SLC44A5: variants seen among roughly 807,000 people sequenced by gnomAD.
SLC44A5 encodes the protein choline transporter-like protein 5.
SLC44A5 carries 57 observed loss-of-function variants against 101.8 expected under a neutral mutation model. The ratio of observed to expected loss-of-function variants is 0.56; its 90% CI spans 0.45 to 0.70. The LOEUF (loss-of-function observed/expected upper bound fraction) is 0.70, where lower values mean the gene tolerates loss of function less well. SLC44A5 is among the 30% of genes least tolerant of loss of function. The pLI is 0.00. For synonymous variants in SLC44A5, 281 were observed against 290.9 expected, an observed-to-expected ratio of 0.97 and a Z score of 0.35; for missense variants, 737 against 853.1, an observed-to-expected ratio of 0.86 and a Z score of 1.70.
At chr1:75,222,614 C>A (rs555594098) in intron 13 of SLC44A5, among the ~76,000 whole-genome samples, 154 bp from the exon 14 acceptor site, 69 of 152,256 alleles carry the variant, frequency 4.5e-4, no homozygotes, top group Non-Finnish European at 9.1e-4. Flanking sequence ...TGCCAATCTT[C>A]GAAATTAACT....
chr1:75,459,704 C>A (rs1043000431), intron 2 of SLC44A5, among the ~76,000 whole-genome samples: 5 of 152,186 alleles, frequency 3.3e-5, no homozygotes, highest in African/African-American at 1.2e-4. Flanking sequence ...TATCAGCACA[C>A]AATTATTAGA....
intron 3 of SLC44A5, among the ~76,000 whole-genome samples, chr1:75,393,619 T>C (rs964465977): frequency 1.3e-5 from 2 of 152,184 alleles, no homozygotes; most frequent in Non-Finnish European, 2.9e-5. Context: ...TAAAATGTGA[T>C]AAATGAAAAA....
At chr1:75,594,764 G>A (rs542034550) in intron 1 of SLC44A5, among the ~76,000 whole-genome samples, 1 of 151,666 alleles carries the variant, frequency 6.6e-6, no homozygotes, top group African/African-American at 2.4e-5. Flanking sequence ...AAGGCAGAGG[G>A]AAGATGGTAC....
At chr1:75,506,876 TA>T (rs1669286525) in intron 2 of SLC44A5, among the ~76,000 whole-genome samples, 2 of 151,226 alleles carry the variant, frequency 1.3e-5, no homozygotes, top group South Asian at 4.2e-4. Flanking sequence ...TGAAGAGGAG[TA>T]GGAATCCTTG....
At chr1:75,577,007 C>T (rs1345799622) in intron 1 of SLC44A5, among the ~76,000 whole-genome samples, 3 of 152,200 alleles carry the variant, frequency 2.0e-5, no homozygotes, top group African/African-American at 7.2e-5. Flanking sequence ...GAACCTGTTT[C>T]TTCCACTGTC....
intron 5 of SLC44A5, among the ~76,000 whole-genome samples, chr1:75,285,747 G>C (rs1166128168): frequency 1.3e-5 from 2 of 151,998 alleles, no homozygotes; most frequent in African/African-American, 4.8e-5. Context: ...TTCAGGAGCA[G>C]GTTATTTAAT....
intron 2 of SLC44A5, among the ~76,000 whole-genome samples, chr1:75,413,153 T>C (rs1329803709): frequency 2.6e-5 from 4 of 152,168 alleles, no homozygotes; most frequent in Non-Finnish European, 4.4e-5. Flanking sequence ...TTTTAATCTC[T>C]TACTGTGCCT....
chr1:75,454,569 A>G (rs1373121995), intron 2 of SLC44A5, among the ~76,000 whole-genome samples: 1 of 152,040 alleles, frequency 6.6e-6, no homozygotes, highest in Non-Finnish European at 1.5e-5. Flanking sequence ...AAGAGAAATA[A>G]ATAAAAAGTA....
At chr1:75,386,883 C>T (rs1661395223) in intron 3 of SLC44A5, among the ~76,000 whole-genome samples, 1 of 152,020 alleles carries the variant, frequency 6.6e-6, no homozygotes, top group Admixed American at 6.6e-5. Context: ...TGGAACAGAA[C>T]AGAACCCTCA....
In SLC44A5 at chr1:75,274,903, T is replaced by C. The variant is rs1651791957; in HGVS notation, c.260+55A>G. On this transcript the variant is annotated intron_variant, in intron 6 of 23. Transcript: ENST00000370859. ...TGGTAGGATTACTGTAAAAGTGATATCTAGGTTCCAGTTTAGACAGTAAAA... is the reference window on the plus strand; with the variant it reads ...TGGTAGGATTACTGTAAAAGTGATACCTAGGTTCCAGTTTAGACAGTAAAA... 10 of 1,356,958 alleles carry C rather than the reference T, an allele frequency of 7.4e-6. No homozygotes were observed. The Admixed American group carries it at 1.3e-4, about 18-fold the overall frequency. 84.1% of individuals were successfully genotyped at this position (1,356,958 alleles called of 1,614,324 possible).
the SLC44A5 span, among the ~76,000 whole-genome samples, chr1:75,660,086 C>T: frequency 1.3e-5 from 2 of 151,442 alleles, no homozygotes; most frequent in African/African-American, 4.8e-5. Context: ...TGCCTATAAT[C>T]CCAGCTACTC....
At chr1:75,503,324 G>A (rs558476516) in intron 2 of SLC44A5, among the ~76,000 whole-genome samples, 15 of 152,142 alleles carry the variant, frequency 9.9e-5, no homozygotes, top group African/African-American at 3.1e-4. Context: ...CATATGTTAC[G>A]GTGGGAGGTG....
At chr1:75,576,192 AAT>A (rs1337793459) in intron 1 of SLC44A5, among the ~76,000 whole-genome samples, 1 of 152,120 alleles carries the variant, frequency 6.6e-6, no homozygotes, top group African/African-American at 2.4e-5. Context: ...TTATAAAAGA[AAT>A]AGAGATGAGA....
intron 2 of SLC44A5, among the ~76,000 whole-genome samples, chr1:75,456,508 TG>T (rs1318159772): frequency 2.0e-5 from 3 of 152,156 alleles, no homozygotes; most frequent in Non-Finnish European, 4.4e-5. Context: ...AAATAAAAGT[TG>T]AAAAAATAAG....
chr1:75,461,050 T>G (rs1225913614), intron 2 of SLC44A5, among the ~76,000 whole-genome samples: 1 of 151,778 alleles, frequency 6.6e-6, no homozygotes, highest in East Asian at 1.9e-4. Context: ...AGCAACCCAA[T>G]GTCCGAGAAA....
chr1:75,217,729 T>C (rs570946158), intron 18 of SLC44A5, 137 bp downstream of exon 18: 95 of 638,430 alleles, frequency 1.5e-4, no homozygotes, highest in African/African-American at 1.4e-3. Context: ...TCTCTCTGGT[T>C]TTCCTTCAGA....
chr1:75,217,533 G>C (rs998156916), intron 18 of SLC44A5, among the ~76,000 whole-genome samples: 1 of 152,010 alleles, frequency 6.6e-6, no homozygotes, highest in African/African-American at 2.4e-5. Context: ...CTATATACTT[G>C]GAACTGCCAA....
the SLC44A5 span, among the ~76,000 whole-genome samples, chr1:75,709,785 C>T: frequency 6.6e-6 from 1 of 151,850 alleles, no homozygotes; most frequent in Non-Finnish European, 1.5e-5. Flanking sequence ...TTTGTTGATT[C>T]CACTGTTTGT....
the SLC44A5 span, among the ~76,000 whole-genome samples, chr1:75,716,733 G>A: frequency 3.9e-5 from 6 of 152,076 alleles, no homozygotes; most frequent in Non-Finnish European, 8.8e-5. Flanking sequence ...CTATAGACTG[G>A]ATAAAGAAAA....
Sources: allele counts gnomAD v4.1 joint callset (sites outside exome capture counted in the v4.1 genomes callset), GRCh38; gene constraint gnomAD v4.1.1; transcripts MANE v1.5; gene names NCBI Gene and HGNC (gene_info 2026-07-23, HGNC 2026-07-21).